The following FHIP1A variants were observed in gnomAD, a reference collection of about 807,000 sequenced individuals.
The protein encoded by FHIP1A is FHF complex subunit HOOK-interacting protein 1A.
FHIP1A carries 61 observed loss-of-function variants against 88.6 expected under a neutral mutation model. That is an observed-to-expected ratio of 0.69 (90% CI 0.56 to 0.85). The LOEUF is 0.85. Ranked by LOEUF, FHIP1A falls within the 40% of genes least tolerant of loss-of-function variation. FHIP1A has a pLI of 0.00. For missense variants in FHIP1A, 1,154 were observed against 1,273.5 expected, an observed-to-expected ratio of 0.91 and a Z score of 1.43; for synonymous variants, 478 against 496.0, an observed-to-expected ratio of 0.96 and a Z score of 0.48.
chr4:151,544,235 T>C (rs1228075381), intron 3 of FHIP1A, among the ~76,000 whole-genome samples: 1 of 152,216 alleles, frequency 6.6e-6, no homozygotes, highest in Non-Finnish European at 1.5e-5. Flanking sequence ...TTCGTATAGC[T>C]GGTTGGGAGC....
chr4:151,541,193 G>A (rs1348983228), intron 3 of FHIP1A, among the ~76,000 whole-genome samples: 1 of 152,150 alleles, frequency 6.6e-6, no homozygotes, highest in Admixed American at 6.5e-5. Flanking sequence ...TACCTGTGAT[G>A]GTAAGTACCC....
chr4:151,545,945 G>GT lies in FHIP1A; in HGVS notation c.-122-20192dup, dbSNP rs548454270. Reference sequence around the variant, plus strand: ...TTAAGGGCCCATGTGATGGTTAATTGTAAGTGTCAACTTGACTGGATTAAG... The same window carrying GT: ...TTAAGGGCCCATGTGATGGTTAATTGTTAAGTGTCAACTTGACTGGATTAAG... On this transcript the variant is annotated intron_variant, in intron 3 of 13. Transcript: ENST00000435205. Among the ~76,000 whole-genome samples the GT allele has an allele frequency of 3.9e-4, 59 of 152,204 alleles. No individual in the cohort carries two copies. In the East Asian group the frequency reaches 0.01, roughly 26 times the overall value.
chr4:151,620,551 A>G (rs1170613545), intron 7 of FHIP1A, among the ~76,000 whole-genome samples: 1 of 152,158 alleles, frequency 6.6e-6, no homozygotes, highest in Non-Finnish European at 1.5e-5. Flanking sequence ...TTTTTAAAAT[A>G]ATAGAAGTTA....
At chr4:151,418,112 C>G (rs1732964046) in intron 1 of FHIP1A, among the ~76,000 whole-genome samples, 1 of 139,858 alleles carries the variant, frequency 7.2e-6, no homozygotes, top group Non-Finnish European at 1.5e-5. Context: ...TTTGAGGCTG[C>G]AGTGACACAG....
intron 3 of FHIP1A, among the ~76,000 whole-genome samples, chr4:151,543,087 T>C (rs1580688320): frequency 6.6e-6 from 1 of 152,236 alleles, no homozygotes; most frequent in East Asian, 1.9e-4. Flanking sequence ...CTCTTTCCTA[T>C]GTGAATTTGT....
At chr4:151,578,543 G>A (rs1023873621) in intron 5 of FHIP1A, among the ~76,000 whole-genome samples, 7 of 152,102 alleles carry the variant, frequency 4.6e-5, no homozygotes, top group Non-Finnish European at 1.0e-4. Context: ...AACATGGGGG[G>A]GTGGAGTGGG....
At chr4:151,521,967 C>A (rs1315937951) in intron 3 of FHIP1A, among the ~76,000 whole-genome samples, 1 of 152,078 alleles carries the variant, frequency 6.6e-6, no homozygotes, top group Non-Finnish European at 1.5e-5. Context: ...CTCAAGTGAC[C>A]CTCCCACTTC....
chr4:151,446,581 C>CTTTTT (rs35115788), intron 1 of FHIP1A, among the ~76,000 whole-genome samples: 20 of 109,918 alleles, frequency 1.8e-4, no homozygotes, highest in African/African-American at 3.1e-4. Flanking sequence ...TGTTCTTTTT[C>CTTTTT]TTTTTTTTTT....
At chr4:151,646,030 CAG>C (rs1736780168) in intron 9 of FHIP1A, among the ~76,000 whole-genome samples, 1 of 152,148 alleles carries the variant, frequency 6.6e-6, no homozygotes, top group Admixed American at 6.5e-5. Context: ...TGCAATGAGC[CAG>C]AGTTTCTGGG....
At chr4:151,573,720 C>T (rs1350120412) in intron 4 of FHIP1A, among the ~76,000 whole-genome samples, 2 of 151,854 alleles carry the variant, frequency 1.3e-5, no homozygotes, top group African/African-American at 4.8e-5. Flanking sequence ...AGCATGAAAT[C>T]GTGGCATCCA....
chr4:151,434,256 C>T (rs1733717549), intron 1 of FHIP1A, among the ~76,000 whole-genome samples: 1 of 152,146 alleles, frequency 6.6e-6, no homozygotes, highest in South Asian at 2.1e-4. Flanking sequence ...TCTTTTTTAA[C>T]ATATGCATTT....
chr4:151,610,925 C>T (rs1043906447), intron 7 of FHIP1A, among the ~76,000 whole-genome samples: 1 of 152,162 alleles, frequency 6.6e-6, no homozygotes, highest in African/African-American at 2.4e-5. Flanking sequence ...GGGAACCATA[C>T]ACATTTCTTT....
chr4:151,595,167 C>T (rs1734599771), intron 7 of FHIP1A, among the ~76,000 whole-genome samples: 1 of 152,172 alleles, frequency 6.6e-6, no homozygotes, highest in Admixed American at 6.5e-5. Flanking sequence ...GCATTTAGTA[C>T]TATAAATTTC....
Position 151,566,368 on chromosome 4 carries a change from A to G in FHIP1A, c.105+4A>G. 6.5e-7 allele frequency: 1 copy of G among 1,531,400 alleles called. No homozygotes were observed. The highest frequency in any genetic ancestry group is 8.9e-7 in the Non-Finnish European group (1 of 1,128,504). 94.9% of individuals were successfully genotyped at this position (1,531,400 alleles called of 1,614,324 possible). A position where few individuals can be genotyped will look rare whatever the true frequency, so the allele number is the denominator to read the frequency against. ...ATTTAAAAACCACTGGGCACAGGTA[A>G]TGTATGAATTCCACTTTTTTTGCTG... is the stretch of plus-strand genomic sequence containing the variant. On this transcript the variant is annotated splice_donor_region_variant and intron_variant, in intron 4 of 13. Transcript: ENST00000435205.
At chr4:151,505,365 A>G (rs1209385635) in intron 3 of FHIP1A, among the ~76,000 whole-genome samples, 2 of 152,226 alleles carry the variant, frequency 1.3e-5, no homozygotes, top group African/African-American at 4.8e-5. Context: ...GAAATAAGAA[A>G]GGAGTCCCCA....
rs138743550 is a variant in FHIP1A at position 151,465,575 on chromosome 4, A to G, written c.-248+10767A>G. Among the ~76,000 whole-genome samples the G allele has an allele frequency of 9.4e-3, 1,431 of 152,304 alleles. 6 individuals carry two copies. Among genetic ancestry groups the G allele is most frequent in the Middle Eastern group, 0.024 (7 of 294 alleles). On this transcript the variant is annotated intron_variant, in intron 2 of 13. Coordinates refer to ENST00000435205, the MANE Select transcript of FHIP1A (RefSeq NM_001109977.3). ...ACCTGGCAGAGATACAACAGCAACA[A>G]AAAACTTCAGACTAATATCACTGAT...
intron 3 of FHIP1A, among the ~76,000 whole-genome samples, chr4:151,503,642 T>C (rs1730727995): frequency 6.6e-6 from 1 of 152,170 alleles, no homozygotes; most frequent in African/African-American, 2.4e-5. Context: ...CAACTCATTC[T>C]CTTTCTCTTA....
chr4:151,544,993 T>C (rs1732436141), intron 3 of FHIP1A, among the ~76,000 whole-genome samples: 1 of 152,118 alleles, frequency 6.6e-6, no homozygotes, highest in South Asian at 2.1e-4. Flanking sequence ...GAGGACCACT[T>C]GAGCCCTGGA....
intron 1 of FHIP1A, among the ~76,000 whole-genome samples, chr4:151,427,959 G>A (rs1386556271): frequency 6.6e-6 from 1 of 152,118 alleles, no homozygotes; most frequent in Non-Finnish European, 1.5e-5. Context: ...CATCCTTTTA[G>A]AGTTATAAAA....
Sources: allele counts gnomAD v4.1 joint callset (sites outside exome capture counted in the v4.1 genomes callset), GRCh38; gene constraint gnomAD v4.1.1; transcripts MANE v1.5; gene names NCBI Gene and HGNC (gene_info 2026-07-23, HGNC 2026-07-21).